The following ATP6V1D variants were observed in gnomAD, a reference collection of about 807,000 sequenced individuals.
The protein encoded by ATP6V1D is ATPase H+ transporting V1 subunit D, also known as V-type proton ATPase subunit D.
Under a neutral mutation model 39.4 loss-of-function variants are expected in ATP6V1D, and 20 were observed. That is an observed-to-expected ratio of 0.51 (90% CI 0.36 to 0.74). The LOEUF is 0.74. Among genes scored for constraint, ATP6V1D ranks in the 30% least tolerant of loss-of-function variants. ATP6V1D has a pLI of 0.00. For missense variants in ATP6V1D, 228 were observed against 291.6 expected (o/e 0.78, Z 1.59); for synonymous variants, 100 against 100.5 (o/e 0.99, Z 0.03).
chr14:67,341,818 C>T (rs1269468711), intron 7 of ATP6V1D, among the ~76,000 whole-genome samples: 1 of 152,190 alleles, frequency 6.6e-6, no homozygotes, highest in Admixed American at 6.5e-5. Flanking sequence ...ACATGGGAGA[C>T]TTTTCATTTT....
chr14:67,352,928 T>C lies in ATP6V1D; in HGVS notation c.154A>G (p.Ile52Val). Residue 52 changes from isoleucine (I) to valine (V), a missense_variant, in exon 2 of 9, where the codon ATA (isoleucine) becomes GTA (valine). Physicochemically the swap from Ile to Val is conservative, Grantham distance 29. Transcript: ENST00000216442. Reference protein sequence around the residue: ...LRFRQILKKIIETKMLMGEVM... With the variant: ...LRFRQILKKIVETKMLMGEVM... ...CTAAGAAAAGTTCATTCTACCTCTA[T>C]TATCTTCTTTAGGATCTGTCGAAAT... is the stretch of plus-strand genomic sequence containing the variant. The C allele has an allele frequency of 6.2e-7, 1 of 1,601,294 alleles. No individual in the cohort carries two copies. The highest frequency in any genetic ancestry group is 1.7e-5 in the Admixed American group (1 of 59,548).
intron 1 of ATP6V1D, among the ~76,000 whole-genome samples, chr14:67,353,421 G>T (rs1366996792): frequency 6.6e-6 from 1 of 152,160 alleles, no homozygotes; most frequent in Non-Finnish European, 1.5e-5. Context: ...GTAAGTGGGA[G>T]GATCCCTTGA....
At chr14:67,358,602 A>G (rs1373289736) in intron 1 of ATP6V1D, among the ~76,000 whole-genome samples, 1 of 152,194 alleles carries the variant, frequency 6.6e-6, no homozygotes, top group East Asian at 1.9e-4. Flanking sequence ...AGGGAGGCTG[A>G]GGCCGGAGGA....
At position 67,345,882 on chromosome 14, in the gene ATP6V1D, C is replaced by CA. The variant is rs755207622; in HGVS notation, c.353-12dup. 1 of 1,561,838 alleles carries CA rather than the reference C, an allele frequency of 6.4e-7. No homozygotes were observed. The highest frequency in any genetic ancestry group is 1.1e-5 in the South Asian group (1 of 88,796). On this transcript the variant is annotated splice_polypyrimidine_tract_variant and intron_variant, in intron 5 of 8. Transcript: ENST00000216442. ...CAGTCAGTTCATAACCTGAAAGGAC[C>CA]AGTCAGACAACATTTTTAATTAGAG... is the stretch of plus-strand genomic sequence containing the variant.
intron 7 of ATP6V1D, among the ~76,000 whole-genome samples, chr14:67,342,987 G>A (rs1473264410): frequency 1.3e-5 from 2 of 152,128 alleles, no homozygotes; most frequent in Non-Finnish European, 2.9e-5. Flanking sequence ...GGCTTATACT[G>A]ATTTAAAGTT....
chr14:67,340,270 C>G, intron 8 of ATP6V1D, 170 bp downstream of exon 8: 3 of 583,724 alleles, frequency 5.1e-6, no homozygotes, highest in Non-Finnish European at 8.8e-6. Context: ...TAAAATTTGA[C>G]AGATTTGTTT....
intron 2 of ATP6V1D, among the ~76,000 whole-genome samples, chr14:67,351,398 A>G (rs2141107022): frequency 6.6e-6 from 1 of 152,390 alleles, no homozygotes; most frequent in Admixed American, 6.5e-5. Context: ...AAAATGTGGC[A>G]TAATATTTTC....
Position 67,350,654 on chromosome 14 carries a change from C to A in ATP6V1D, c.196G>T (p.Ala66Ser). Reference sequence around the variant, plus strand: ...AACTTGGCTTCAGCTAGTGAAAAGGCAGCTTCTCTCATCACTTCGCCCATC... The same window carrying A: ...AACTTGGCTTCAGCTAGTGAAAAGGAAGCTTCTCTCATCACTTCGCCCATC... ...MLMGEVMREAAFSLAEAKFTA... is the reference protein window; with the variant it reads ...MLMGEVMREASFSLAEAKFTA... Residue 66 changes from alanine (A) to serine (S), a missense_variant, in exon 3 of 9, where the codon GCC becomes TCC. Ala to Ser is a moderately conservative substitution (Grantham distance 99, BLOSUM62 1). Around this residue, in one of 3 missense-constraint regions of ATP6V1D, gnomAD observed 104 missense variants for 120.2 expected, o/e 0.87. Coordinates refer to ENST00000216442, the MANE Select transcript of ATP6V1D (RefSeq NM_015994.4). 1 of 1,613,630 alleles carries A rather than the reference C, an allele frequency of 6.2e-7. No homozygotes were observed. The highest frequency in any genetic ancestry group is 8.5e-7 in the Non-Finnish European group (1 of 1,179,770).
intron 3 of ATP6V1D, 101 bp from the exon 4 acceptor site, chr14:67,349,205 T>C: frequency 2.7e-6 from 3 of 1,130,388 alleles, no homozygotes; most frequent in Non-Finnish European, 3.8e-6. Flanking sequence ...AAGAGTGAGA[T>C]GTCACAATTA....
At chr14:67,342,214 A>AAATAAATAAAT (rs1235410568) in intron 7 of ATP6V1D, among the ~76,000 whole-genome samples, 2 of 101,992 alleles carry the variant, frequency 2.0e-5, no homozygotes, top group African/African-American at 1.4e-4. Context: ...ATAAATAAAT[A>AAATAAATAAAT]AAATAAAATA....
In ATP6V1D at chr14:67,341,994, G is replaced by A. The variant is rs1001564127; in HGVS notation, c.523+1378C>T. On this transcript the variant is annotated intron_variant, in intron 7 of 8. Coordinates refer to ENST00000216442, the MANE Select transcript of ATP6V1D (RefSeq NM_015994.4). ...ACAGATGCTTGAAGGCAGCATGCTC[G>A]TTAAGAGTCATCACCACTCCCTAAT... Among the ~76,000 whole-genome samples the A allele has an allele frequency of 4.6e-5, 7 of 151,682 alleles. No individual in the cohort carries two copies. The East Asian group carries it at 7.8e-4, about 17-fold the overall frequency.
intron 5 of ATP6V1D, among the ~76,000 whole-genome samples, chr14:67,346,823 G>A (rs1447832565): frequency 6.6e-6 from 1 of 152,154 alleles, no homozygotes; most frequent in East Asian, 1.9e-4. Flanking sequence ...GCAGTGCATT[G>A]TGGGTGTAGG....
rs1015711991 is a variant in ATP6V1D at position 67,354,892 on chromosome 14, C to A, written c.42-1852G>T. On this transcript the variant is annotated intron_variant, in intron 1 of 8. Transcript: ENST00000216442. ...GCAATGGCGCGATCTCGGCTCACTG[C>A]AACCTCTGCCTCCCAGGTTCAAGCG... Among the ~76,000 whole-genome samples, 4 of 152,324 alleles carry A rather than the reference C, an allele frequency of 2.6e-5. No individual in the cohort carries two copies. The East Asian group carries it at 7.7e-4, about 29-fold the overall frequency.
intron 1 of ATP6V1D, among the ~76,000 whole-genome samples, chr14:67,354,482 CAT>C (rs1337788490): frequency 6.6e-6 from 1 of 152,180 alleles, no homozygotes; most frequent in East Asian, 1.9e-4. Context: ...TTTATTCCCA[CAT>C]GTGTACAAAA....
rs1179465097 is a variant in ATP6V1D, at chr14:67,349,210, CAATT to C, written c.240-110_240-107del. Reference sequence around the variant, plus strand: ...AAATGAGACCAAGAGTGAGATGTCACAATTAAGTATGTTTTGATAACTGTCCTTT... The same window carrying C: ...AAATGAGACCAAGAGTGAGATGTCACAAGTATGTTTTGATAACTGTCCTTT... On this transcript the variant is annotated intron_variant, in intron 3 of 8. Coordinates refer to ENST00000216442, the MANE Select transcript of ATP6V1D (RefSeq NM_015994.4). 8 of 1,074,590 alleles carry C rather than the reference CAATT, an allele frequency of 7.4e-6. 1 individual carries two copies. In the Admixed American group the frequency reaches 1.5e-4, roughly 20 times the overall value. The allele number at this position is 1,074,590 out of a possible 1,614,324, so 66.6% of individuals were successfully genotyped here.
At chr14:67,344,060 A>G (rs1219899647) in intron 6 of ATP6V1D, among the ~76,000 whole-genome samples, 1 of 152,202 alleles carries the variant, frequency 6.6e-6, no homozygotes, top group Non-Finnish European at 1.5e-5. Context: ...ATACTGATTA[A>G]TATGCAACCT....
intron 1 of ATP6V1D, 124 bp downstream of exon 1, chr14:67,359,533 AG>A: frequency 9.1e-7 from 1 of 1,103,176 alleles, no homozygotes; most frequent in Non-Finnish European, 1.3e-6. Context: ...ACTCAAGAAA[AG>A]AACCTGGGAA....
chr14:67,356,668 C>G (rs1277992752), intron 1 of ATP6V1D, among the ~76,000 whole-genome samples: 1 of 152,156 alleles, frequency 6.6e-6, no homozygotes, highest in Non-Finnish European at 1.5e-5. Flanking sequence ...ATTCCACTGA[C>G]TTTCCCAATG....
chr14:67,358,778 C>T (rs2085704446), intron 1 of ATP6V1D, among the ~76,000 whole-genome samples: 1 of 152,162 alleles, frequency 6.6e-6, no homozygotes, highest in African/African-American at 2.4e-5. Flanking sequence ...TTTGAGAAAA[C>T]GTCAAAATTT....
Sources: gnomAD v4.1 joint callset for allele counts (sites outside exome capture counted in the v4.1 genomes callset) on GRCh38, gnomAD v4.1.1 for gene constraint, gnomAD v4.1.1 regional missense constraint, MANE v1.5 for transcripts, NCBI Gene and HGNC (gene_info 2026-07-23, HGNC 2026-07-21) for gene names.